Variants in CDKL5 observed in about 807,000 individuals in gnomAD.
CDKL5 encodes cyclin-dependent kinase-like 5.
Under a neutral mutation model 61.7 loss-of-function variants are expected in CDKL5, and 8 were observed. That is an observed-to-expected ratio of 0.13 (90% CI 0.08 to 0.23). The LOEUF is 0.23. CDKL5 is among the 10% of genes least tolerant of loss of function. The probability of loss-of-function intolerance (pLI) is 1.00; values close to 1 mark genes in which losing one functional copy is unlikely to be tolerated. For synonymous variants in CDKL5, 275 were observed against 272.3 expected (o/e 1.01, Z -0.10); for missense variants, 440 against 734.5 (o/e 0.60, Z 4.63).
chrX:18,427,882 T>C (rs1250483515), intron 1 of CDKL5, among the ~76,000 whole-genome samples: 2 of 111,113 alleles, frequency 1.8e-5, no homozygotes, highest in Non-Finnish European at 3.8e-5. Context: ...AAGTCTGCCT[T>C]TGTTTATATT....
intron 3 of CDKL5, among the ~76,000 whole-genome samples, chrX:18,524,974 A>G (rs1923376619): frequency 9.0e-6 from 1 of 111,461 alleles, no homozygotes. Context: ...CCAGGCTGCA[A>G]TACAGTGATG....
At chrX:18,506,726 T>C (rs1263116647) in intron 1 of CDKL5, among the ~76,000 whole-genome samples, 2 of 112,304 alleles carry the variant, frequency 1.8e-5, no homozygotes, top group Non-Finnish European at 3.8e-5. Context: ...AGTGTGGTTA[T>C]ATTATTCATT....
intron 1 of CDKL5, among the ~76,000 whole-genome samples, chrX:18,461,316 TAA>T (rs975303029): frequency 8.9e-6 from 1 of 112,369 alleles, no homozygotes; most frequent in Non-Finnish European, 1.9e-5. Flanking sequence ...GACAAAAGAT[TAA>T]AGTTTGCCAT....
chrX:18,456,334 G>A (rs955592819), intron 1 of CDKL5, among the ~76,000 whole-genome samples: 1 of 111,354 alleles, frequency 9.0e-6, no homozygotes, highest in African/African-American at 3.3e-5. Context: ...CACCGCGCCC[G>A]CCCGTCACAA....
At chrX:18,587,771 A>T (rs1036524335) in intron 8 of CDKL5, 183 bp from the exon 9 acceptor site, 75 of 453,646 alleles carry the variant, frequency 1.7e-4, no homozygotes, top group Non-Finnish European at 2.7e-4. Context: ...TGATGGCTTT[A>T]TTAGCATAGG....
At chrX:18,551,354 A>G (rs1003604826) in intron 3 of CDKL5, among the ~76,000 whole-genome samples, 3 of 109,404 alleles carry the variant, frequency 2.7e-5, no homozygotes, top group African/African-American at 1.0e-4. Flanking sequence ...ATTATCAGCC[A>G]GCGTCCCTTC....
chrX:18,434,221 T>G (rs1931562277), intron 1 of CDKL5, among the ~76,000 whole-genome samples: 1 of 111,876 alleles, frequency 8.9e-6, no homozygotes, highest in South Asian at 3.7e-4. Flanking sequence ...GTTATTTTTT[T>G]GGGTACATAT....
chrX:18,598,722 T>C, intron 11 of CDKL5, 109 bp downstream of exon 11: 2 of 726,785 alleles, frequency 2.8e-6, no homozygotes, highest in East Asian at 3.2e-5. Context: ...AAGCCCTCTT[T>C]ATTCAAAAAT....
chrX:18,641,199 T>C (rs1329299780), downstream of CDKL5: 1 of 111,789 alleles, frequency 8.9e-6, no homozygotes, highest in African/African-American at 3.3e-5. Flanking sequence ...TTGTGGTCAT[T>C]TGGGGTCCCT....
chrX:18,650,184 G>A, intron 20 of CDKL5: 2 of 461,635 alleles, frequency 4.3e-6, no homozygotes, highest in Non-Finnish European at 7.7e-6. Context: ...GGGGTACCTG[G>A]CCAGGGCCAA....
chrX:18,525,018 G>A (rs1923378850), intron 3 of CDKL5, among the ~76,000 whole-genome samples: 2 of 111,523 alleles, frequency 1.8e-5, no homozygotes, highest in South Asian at 7.5e-4. Context: ...AAACTCCTGG[G>A]CTCAAGTAAT....
At chrX:18,538,565 T>C (rs985896704) in intron 3 of CDKL5, among the ~76,000 whole-genome samples, 3 of 112,058 alleles carry the variant, frequency 2.7e-5, no homozygotes, top group African/African-American at 9.7e-5. Context: ...GCTTACATTT[T>C]ACATTTAAGT....
At chrX:18,542,385 T>C (rs1385665456) in intron 3 of CDKL5, among the ~76,000 whole-genome samples, 2 of 111,987 alleles carry the variant, frequency 1.8e-5, no homozygotes, top group Non-Finnish European at 3.8e-5. Flanking sequence ...TTTCACTGTT[T>C]TGTGGCTGGG....
At position 18,575,337 on chromosome X, in the gene CDKL5, CA is replaced by C; in HGVS notation, c.146-16del. 8.4e-7 allele frequency: 1 copy of C among 1,197,535 alleles called. No individual in the cohort carries two copies. The highest frequency in any genetic ancestry group is 1.1e-6 in the Non-Finnish European group (1 of 883,449). On this transcript the variant is annotated splice_polypyrimidine_tract_variant and intron_variant, in intron 4 of 17. Coordinates refer to ENST00000623535, the MANE Select transcript of CDKL5 (RefSeq NM_001323289.2). ...AAAGTTTTCATTTTAGTCTCTTCAC[CA>C]TTGTTTACATTCTAGAAAATGAAGA...
chrX:18,653,592 A>C, exon 22 of CDKL5: 1 of 1,175,651 alleles, frequency 8.5e-7, no homozygotes, highest in Non-Finnish European at 1.2e-6. Flanking sequence ...CACCTCTCTC[A>C]TGGAAGAACC....
chrX:18,595,082 T>C lies in CDKL5; in HGVS notation c.745-266T>C, dbSNP rs374777132. Among the ~76,000 whole-genome samples the C allele has an allele frequency of 2.8e-4, 31 of 111,818 alleles. No individual in the cohort carries two copies. The East Asian group carries it at 7.0e-3, about 25-fold the overall frequency. ...CTGTAATCCCAGCTACTCAGGAGGC[T>C]GAAGCAGGAGAATCGCATGAACCCG... On this transcript the variant is annotated intron_variant, in intron 9 of 17. Coordinates refer to ENST00000623535, the MANE Select transcript of CDKL5 (RefSeq NM_001323289.2).
At chrX:18,456,071 G>T (rs1397069798) in intron 1 of CDKL5, among the ~76,000 whole-genome samples, 1 of 105,036 alleles carries the variant, frequency 9.5e-6, no homozygotes, top group Admixed American at 1.0e-4. Flanking sequence ...TTTTTGAGAC[G>T]GAGTTTTGCT....
At chrX:18,598,636 A>G (rs758433549) in intron 11 of CDKL5, 23 bp downstream of exon 11, 1 of 1,187,033 alleles carries the variant, frequency 8.4e-7, no homozygotes, top group Non-Finnish European at 1.1e-6. Context: ...TTTTAAGGAA[A>G]TACAGATGCA....
At chrX:18,623,583 C>T (rs1297758493) in intron 16 of CDKL5, among the ~76,000 whole-genome samples, 2 of 111,515 alleles carry the variant, frequency 1.8e-5, no homozygotes, top group Admixed American at 9.5e-5. Flanking sequence ...AATTATTTAA[C>T]GTTTTATAAG....
Sources: allele counts gnomAD v4.1 joint callset (sites outside exome capture counted in the v4.1 genomes callset), GRCh38; gene constraint gnomAD v4.1.1; transcripts MANE v1.5; gene names NCBI Gene and HGNC (gene_info 2026-07-23, HGNC 2026-07-21).